The following ATP5MJ variants were observed in gnomAD, a reference collection of about 807,000 sequenced individuals.
ATP5MJ encodes the protein ATP synthase F(0) complex subunit j, mitochondrial.
Under a neutral mutation model 8.3 loss-of-function variants are expected in ATP5MJ, and 4 were observed. That is an observed-to-expected ratio of 0.48 (90% CI 0.24 to 1.11). The LOEUF (loss-of-function observed/expected upper bound fraction) is 1.11, where lower values mean the gene tolerates loss of function less well. ATP5MJ is among the 50% of genes least tolerant of loss of function. The pLI, the probability that ATP5MJ is intolerant of heterozygous loss-of-function variation, is 0.18. For synonymous variants in ATP5MJ, 23 were observed against 21.3 expected (o/e 1.08, Z -0.23); for missense variants, 66 against 71.8 (o/e 0.92, Z 0.29).
chr14:103,915,707 T>C (rs1231030710), intron 1 of ATP5MJ, among the ~76,000 whole-genome samples: 10 of 150,434 alleles, frequency 6.6e-5, no homozygotes, highest in Non-Finnish European at 5.9e-5. Flanking sequence ...CAGGCTGGTC[T>C]CAAACTCCTG....
rs866752940 is a variant in ATP5MJ at position 103,919,294 on chromosome 14, T to A, written c.-1+2176A>T. On this transcript the variant is annotated intron_variant, in intron 1 of 3. Coordinates refer to ENST00000286953, the MANE Select transcript of ATP5MJ (RefSeq NM_004894.3). ...TACTCGGGAGGCTGAGGCAGGAGAA[T>A]CGCTTGAACCCGGGAGGCGGAGCTT... is the stretch of plus-strand genomic sequence containing the variant. Among the ~76,000 whole-genome samples, 4 of 147,498 alleles carry A rather than the reference T, an allele frequency of 2.7e-5. No individual in the cohort carries two copies. In the South Asian group the frequency reaches 8.5e-4, roughly 31 times the overall value.
rs2087678880 is a variant in ATP5MJ, at chr14:103,921,503, C to T, written c.-34G>A. 6.5e-6 allele frequency: 1 copy of T among 154,992 alleles called. No homozygotes were observed. The highest frequency in any genetic ancestry group is 6.4e-5 in the Admixed American group (1 of 15,726). The allele number at this position is 154,992 out of a possible 1,614,324, so 9.6% of individuals were successfully genotyped here. On this transcript the variant is annotated 5_prime_UTR_variant, in exon 1 of 4. The change creates a new upstream start codon in the 5' untranslated region. Coordinates refer to ENST00000286953, the MANE Select transcript of ATP5MJ (RefSeq NM_004894.3). Reference sequence around the variant, plus strand: ...AGGACAGACGGCTCAGAACGCACCACAAATCTGCAGCCAACTCGGAAAGGT... The same window carrying T: ...AGGACAGACGGCTCAGAACGCACCATAAATCTGCAGCCAACTCGGAAAGGT...
intron 2 of ATP5MJ, 160 bp downstream of exon 2, chr14:103,914,906 T>C (rs1426582548): frequency 1.3e-6 from 1 of 777,200 alleles, no homozygotes; most frequent in Non-Finnish European, 1.9e-6. Flanking sequence ...ATGTCTTTTA[T>C]AGCTGACATG....
rs2087589766 is a variant in ATP5MJ at position 103,912,674 on chromosome 14, G to C, written c.169C>G (p.His57Asp). 6.2e-7 allele frequency: 1 copy of C among 1,614,024 alleles called. No individual in the cohort carries two copies. The highest frequency in any genetic ancestry group is 8.5e-7 in the Non-Finnish European group (1 of 1,179,910). Reference sequence around the variant, plus strand: ...ACTCCAAGTAAATCTGGTTAGTGATGACCAGGAGCAGGCGCTGAAGCTTTT... The same window carrying C: ...ACTCCAAGTAAATCTGGTTAGTGATCACCAGGAGCAGGCGCTGAAGCTTTT... Reference protein sequence around the residue: ...ALKASAPAPGHH With the variant: ...ALKASAPAPGDH The change falls in exon 4 of 4, where the codon CAT (histidine) becomes GAT (aspartate). Residue 57 changes from histidine to aspartate, a missense_variant. His to Asp is a moderately conservative substitution (Grantham distance 81). Transcript: ENST00000286953.
At position 103,912,633 on chromosome 14, in the gene ATP5MJ, G is replaced by A. The variant is rs763099882; in HGVS notation, c.*33C>T. 1.9e-6 allele frequency: 3 copies of A among 1,611,640 alleles called. No homozygotes were observed. Among genetic ancestry groups the A allele is most frequent in the East Asian group, 2.2e-5 (1 of 44,866 alleles). Reference sequence around the variant, plus strand: ...TGCTGAAATTTACAGGCAGACTGACGTTTTCTTTCACATGTACTCCAAGTA... The same window carrying A: ...TGCTGAAATTTACAGGCAGACTGACATTTTCTTTCACATGTACTCCAAGTA... On this transcript the variant is annotated 3_prime_UTR_variant, in exon 4 of 4. Coordinates refer to ENST00000286953, the MANE Select transcript of ATP5MJ (RefSeq NM_004894.3).
At chr14:103,916,003 G>C (rs192264045) in intron 1 of ATP5MJ, among the ~76,000 whole-genome samples, 4 of 152,230 alleles carry the variant, frequency 2.6e-5, no homozygotes, top group African/African-American at 9.6e-5. Context: ...TGTCGCATTC[G>C]AAGCTGAAAA....
intron 2 of ATP5MJ, 33 bp from the exon 3 acceptor site, chr14:103,914,017 T>C (rs1352434971): frequency 2.5e-6 from 4 of 1,582,516 alleles, no homozygotes; most frequent in African/African-American, 1.4e-5. Flanking sequence ...AAAGCAGTCA[T>C]ATCAATGCTT....
At chr14:103,917,528 T>A (rs1161627007) in intron 1 of ATP5MJ, among the ~76,000 whole-genome samples, 1 of 152,034 alleles carries the variant, frequency 6.6e-6, no homozygotes, top group African/African-American at 2.4e-5. Flanking sequence ...CAGTTTAGAA[T>A]CTGGAACTGG....
chr14:103,913,896 C>G, intron 3 of ATP5MJ, 65 bp downstream of exon 3: 1 of 1,550,720 alleles, frequency 6.4e-7, no homozygotes, highest in East Asian at 2.2e-5. Flanking sequence ...CAACGATATA[C>G]CTTGTCCTGA....
At chr14:103,915,338 C>A (rs2152107453) in intron 1 of ATP5MJ, 149 bp from the exon 2 acceptor site, 1 of 810,290 alleles carries the variant, frequency 1.2e-6, no homozygotes. Context: ...TCTGCACTCA[C>A]AGGGGACTCA....
In ATP5MJ at chr14:103,912,381, T is replaced by C. The variant is rs1020564926; in HGVS notation, c.*285A>G. 14 of 417,526 alleles carry C rather than the reference T, an allele frequency of 3.4e-5. No homozygotes were observed. Among genetic ancestry groups the C allele is most frequent in the African/African-American group, 2.8e-4 (14 of 50,764 alleles). The allele number at this position is 417,526 out of a possible 1,614,324, so 25.9% of individuals were successfully genotyped here. A position where few individuals can be genotyped will look rare whatever the true frequency, so the allele number is the denominator to read the frequency against. On this transcript the variant is annotated 3_prime_UTR_variant, in exon 4 of 4. Coordinates refer to ENST00000286953, the MANE Select transcript of ATP5MJ (RefSeq NM_004894.3). ...ATCACCAAGTCCTGTACAACTGAGGTAATTATTTCACAATGATGGGTGGCT... is the reference window on the plus strand; with the variant it reads ...ATCACCAAGTCCTGTACAACTGAGGCAATTATTTCACAATGATGGGTGGCT...
chr14:103,918,280 G>T (rs1037113730), intron 1 of ATP5MJ, among the ~76,000 whole-genome samples: 8 of 152,138 alleles, frequency 5.3e-5, no homozygotes, highest in Non-Finnish European at 1.2e-4. Flanking sequence ...TTGGAAGCCT[G>T]GGAATCCTGG....
chr14:103,918,163 C>G (rs2087640464), intron 1 of ATP5MJ: 1 of 152,222 alleles, frequency 6.6e-6, no homozygotes, highest in Non-Finnish European at 1.5e-5. Context: ...CAAACAAGAC[C>G]CAGAGGAGGT....
chr14:103,914,462 C>A (rs1190950081), intron 2 of ATP5MJ: 2 of 619,176 alleles, frequency 3.2e-6, no homozygotes, highest in Admixed American at 4.9e-5. Flanking sequence ...ACCACTTTCA[C>A]ACCTAAGAAA....
Position 103,913,810 on chromosome 14 carries a change from A to G in ATP5MJ, c.148+151T>C, listed in dbSNP as rs537088150. On this transcript the variant is annotated intron_variant, in intron 3 of 3. Transcript: ENST00000286953. ...CAGAATTCTCTTTCCCAGCAGGCAT[A>G]GCAAACTTCAAGCTGTGAAGCATTT... 3.6e-4 allele frequency: 306 copies of G among 842,684 alleles called. 1 individual carries two copies. The highest frequency in any genetic ancestry group is 5.5e-4 in the Admixed American group (19 of 34,286). 52.2% of individuals were successfully genotyped at this position (842,684 alleles called of 1,614,324 possible).
At chr14:103,916,744 T>C (rs1468275450) in intron 1 of ATP5MJ, among the ~76,000 whole-genome samples, 2 of 152,054 alleles carry the variant, frequency 1.3e-5, no homozygotes, top group Admixed American at 6.6e-5. Context: ...AGACTCTGTC[T>C]CAAAAAAGAA....
In ATP5MJ at chr14:103,912,917, A is replaced by T. The variant is rs767604188; in HGVS notation, c.149-223T>A. ...GGCAGTGGTCACCCACAGCGCAAAG[A>T]GAGAGGCAGGGAAACACCTCCTCCT... On this transcript the variant is annotated intron_variant, in intron 3 of 3. Transcript: ENST00000286953. The T allele has an allele frequency of 7.2e-6, 4 of 552,898 alleles. No homozygotes were observed. In the Admixed American group the frequency reaches 9.3e-5, roughly 13 times the overall value. 34.2% of individuals were successfully genotyped at this position (552,898 alleles called of 1,614,324 possible). A position where few individuals can be genotyped will look rare whatever the true frequency, so the allele number is the denominator to read the frequency against.
chr14:103,918,447 G>A (rs1201713831), intron 1 of ATP5MJ, among the ~76,000 whole-genome samples: 1 of 151,668 alleles, frequency 6.6e-6, no homozygotes, highest in Non-Finnish European at 1.5e-5. Flanking sequence ...TGCAAGCTCC[G>A]CCTCCCGGGT....
chr14:103,921,051 C>G (rs995667642), intron 1 of ATP5MJ: 35 of 1,551,066 alleles, frequency 2.3e-5, no homozygotes, highest in Non-Finnish European at 3.0e-5. Context: ...TCATGTACAG[C>G]ATAACGTGGA....
Sources: gnomAD v4.1 joint callset for allele counts (sites outside exome capture counted in the v4.1 genomes callset) on GRCh38, gnomAD v4.1.1 for gene constraint, MANE v1.5 for transcripts, NCBI Gene and HGNC (gene_info 2026-07-23, HGNC 2026-07-21) for gene names.